Variants in OR13C3 observed in about 807,000 individuals in gnomAD.
The protein encoded by OR13C3 is olfactory receptor family 13 subfamily C member 3.
OR13C3 carries 19 observed loss-of-function variants against 14.4 expected under a neutral mutation model. The observed-to-expected ratio is 1.31, with a 90% CI of 0.92 to 1.93. The LOEUF is 1.93. OR13C3 is among the 30% of genes most tolerant of loss of function. OR13C3 has a pLI of 0.00. For synonymous variants in OR13C3, 140 were observed against 142.5 expected (o/e 0.98, Z 0.12); for missense variants, 394 against 381.4 (o/e 1.03, Z -0.27).
rs1192135408 is a variant in OR13C3 at position 104,536,149 on chromosome 9, A to G, written c.575T>C (p.Ile192Thr). ...CACCATGGTGATAATATTGAGGGAT[A>G]TATCAGCACAGGCCAGCTTGAGGAC... is the stretch of plus-strand genomic sequence containing the variant. Residue 192 changes from isoleucine (I) to threonine (T), a missense_variant, in exon 1 of 1, where the codon ATA (isoleucine) becomes ACA (threonine). Ile to Thr is a moderately conservative substitution (Grantham distance 89). Coordinates refer to ENST00000641090, the Ensembl canonical transcript of OR13C3. 5.0e-6 allele frequency: 8 copies of G among 1,613,884 alleles called. No individual in the cohort carries two copies. Among genetic ancestry groups the G allele is most frequent in the Non-Finnish European group, 5.9e-6 (7 of 1,179,880 alleles).
exon 1 of OR13C3, chr9:104,536,349 G>T (rs758793998): frequency 2.3e-5 from 37 of 1,613,948 alleles, no homozygotes; most frequent in Non-Finnish European, 2.8e-5. Flanking sequence ...GGTTGCAGAT[G>T]GCCACATAAC....
Position 104,536,197 on chromosome 9 carries a change from T to C in OR13C3, c.527A>G (p.His176Arg), listed in dbSNP as rs375686164. The change falls in exon 1 of 1, where the codon CAT (histidine) becomes CGT (arginine). Residue 176 changes from histidine to arginine, a missense_variant. Physicochemically the swap from His to Arg is conservative, Grantham distance 29 (BLOSUM62 0). Transcript: ENST00000641090. ...GACAGCTAATATTTCACATGCGAAATGATTGATAATATTATTCCCACAGAA... is the reference window on the plus strand; with the variant it reads ...GACAGCTAATATTTCACATGCGAAACGATTGATAATATTATTCCCACAGAA... The C allele has an allele frequency of 4.4e-5, 71 of 1,613,940 alleles. No homozygotes were observed. Among genetic ancestry groups the C allele is most frequent in the Non-Finnish European group, 5.7e-5 (67 of 1,179,984 alleles).
exon 1 of OR13C3, chr9:104,536,474 T>A: frequency 1.2e-6 from 2 of 1,614,066 alleles, no homozygotes; most frequent in Non-Finnish European, 1.7e-6. Flanking sequence ...GAGATTAAGC[T>A]CACCAATGTT....
exon 1 of OR13C3, chr9:104,536,675 G>C: frequency 6.2e-7 from 1 of 1,614,028 alleles, no homozygotes; most frequent in South Asian, 1.1e-5. Context: ...TATCCAGAAA[G>C]ACCCAGAAGA....
exon 1 of OR13C3, chr9:104,536,084 T>A: frequency 6.2e-7 from 1 of 1,613,870 alleles, no homozygotes; most frequent in Non-Finnish European, 8.5e-7. Flanking sequence ...GAGAAAAAAA[T>A]GACCATCAGT....
chr9:104,536,411 AC>A lies in OR13C3; in HGVS notation c.312del (p.Phe105LeufsTer13). On this transcript the variant is annotated frameshift_variant, in exon 1 of 1. Coordinates refer to ENST00000641090, the Ensembl canonical transcript of OR13C3. LOFTEE classifies it high-confidence loss of function. ...AGACATTCTGTTGACCCCATTGCAA[AC>A]CCAAAGAACATCTGCACTGCACATC... 6.2e-7 allele frequency: 1 copy of A among 1,614,078 alleles called. No homozygotes were observed.
rs757545846 is a variant in OR13C3, at chr9:104,536,804, G to A, written c.-81C>T. On this transcript the variant is annotated 5_prime_UTR_variant, in exon 1 of 1. An upstream open reading frame in the 5' UTR gains an earlier in-frame stop. Coordinates refer to ENST00000641090, the Ensembl canonical transcript of OR13C3. ...AAGAAACAAACAGTACAAATTAACT[G>A]AACAATCATTCTTTTGACACATATT... The A allele has an allele frequency of 5.6e-6, 9 of 1,607,756 alleles. No individual in the cohort carries two copies. The South Asian group carries it at 1.0e-4, about 18-fold the overall frequency.
exon 1 of OR13C3, chr9:104,535,950 C>T (rs1380697471): frequency 6.2e-7 from 1 of 1,614,082 alleles, no homozygotes. Context: ...GTTTCGCATA[C>T]ATAAAGAAGA....
rs139524248 is a variant in OR13C3 at position 104,536,502 on chromosome 9, T to C, written c.222A>G (p.Thr74=). The change falls in exon 1 of 1, where the codon ACA becomes ACG. Residue 74 remains threonine (T), a synonymous_variant. Coordinates refer to ENST00000641090, the Ensembl canonical transcript of OR13C3. ...CCAATGTTGAGGGAACAGAGGAGGATGTATAGCAGATATCCAGGAAAGAGA... is the reference window on the plus strand; with the variant it reads ...CCAATGTTGAGGGAACAGAGGAGGACGTATAGCAGATATCCAGGAAAGAGA... The C allele has an allele frequency of 6.8e-5, 109 of 1,614,134 alleles. 2 individuals are homozygous for C. The Middle Eastern group carries it at 5.8e-3, about 85-fold the overall frequency.
chr9:104,535,760 C>A, exon 1 of OR13C3: 1 of 1,564,384 alleles, frequency 6.4e-7, no homozygotes, highest in South Asian at 1.1e-5. Flanking sequence ...ACCTACATGT[C>A]CTGGTTTCAT....
rs764206746 is a variant in OR13C3, at chr9:104,536,076, GA to G, written c.647del (p.Phe216SerfsTer13). 9.9e-6 allele frequency: 16 copies of G among 1,613,738 alleles called. No homozygotes were observed. Among genetic ancestry groups the G allele is most frequent in the Non-Finnish European group, 8.5e-7 (1 of 1,179,934 alleles). On this transcript the variant is annotated frameshift_variant, in exon 1 of 1. Coordinates refer to ENST00000641090, the Ensembl canonical transcript of OR13C3. LOFTEE classifies it high-confidence loss of function. ...TGGTGTAGAGGATGAACATATAGGA[GA>G]AAAAAATGACCATCAGTGGAAGAAC...
At chr9:104,536,771 T>C (rs754667081) in exon 1 of OR13C3, 2 of 1,613,678 alleles carry the variant, frequency 1.2e-6, no homozygotes, top group Non-Finnish European at 1.7e-6. Context: ...TGAAATGTAT[T>C]TACTGCCAAG....
At chr9:104,536,106 G>T (rs778293000) in exon 1 of OR13C3, 2 of 1,613,936 alleles carry the variant, frequency 1.2e-6, no homozygotes, top group Non-Finnish European at 1.7e-6. Flanking sequence ...GAAGAACCAG[G>T]AAGGCCATAT....
chr9:104,536,768 T>C lies in OR13C3; in HGVS notation c.-45A>G. 6.2e-7 allele frequency: 1 copy of C among 1,613,700 alleles called. No individual in the cohort carries two copies. The highest frequency in any genetic ancestry group is 1.1e-5 in the South Asian group (1 of 91,030). Reference sequence around the variant, plus strand: ...TCAAAAGAAGATCTAACATGAAATGTATTTACTGCCAAGAAACAAACAGTA... The same window carrying C: ...TCAAAAGAAGATCTAACATGAAATGCATTTACTGCCAAGAAACAAACAGTA... On this transcript the variant is annotated 5_prime_UTR_variant, in exon 1 of 1. In the 5' UTR this introduces an upstream ATG that the reference lacks. Coordinates refer to ENST00000641090, the Ensembl canonical transcript of OR13C3.
chr9:104,535,755 C>G (rs768363081), exon 1 of OR13C3: 3 of 1,535,144 alleles, frequency 2.0e-6, no homozygotes, highest in Non-Finnish European at 2.7e-6. Flanking sequence ...CAAAGACCTA[C>G]ATGTCCTGGT....
exon 1 of OR13C3, chr9:104,536,449 A>G (rs1828818453): frequency 1.2e-6 from 2 of 1,614,200 alleles, no homozygotes; most frequent in Non-Finnish European, 1.7e-6. Flanking sequence ...AGAGAAGGAA[A>G]TGTTTCTTTT....
In OR13C3 at chr9:104,536,760, A is replaced by G; in HGVS notation, c.-37T>C. ...TCAGGAAATCAAAAGAAGATCTAAC[A>G]TGAAATGTATTTACTGCCAAGAAAC... is the stretch of plus-strand genomic sequence containing the variant. On this transcript the variant is annotated 5_prime_UTR_variant, in exon 1 of 1. The change abolishes an upstream ATG in the 5' untranslated region. Transcript: ENST00000641090. 6.2e-7 allele frequency: 1 copy of G among 1,613,810 alleles called. No homozygotes were observed. The highest frequency in any genetic ancestry group is 8.5e-7 in the Non-Finnish European group (1 of 1,179,806).
Position 104,536,618 on chromosome 9 carries a change from G to C in OR13C3, c.106C>G (p.Leu36Val), listed in dbSNP as rs768125509. Residue 36 changes from leucine (L) to valine (V), a missense_variant, in exon 1 of 1, where the codon CTA (leucine) becomes GTA (valine). Coordinates refer to ENST00000641090, the Ensembl canonical transcript of OR13C3. ...ACACCATTGCCAATTAGAATCACTA[G>C]GTACATAACTAGAATGAGAGCAAAG... 1 of 1,613,962 alleles carries C rather than the reference G, an allele frequency of 6.2e-7. No individual in the cohort carries two copies. Among genetic ancestry groups the C allele is most frequent in the East Asian group, 2.2e-5 (1 of 44,860 alleles).
chr9:104,536,361 A>G (rs1169887048), exon 1 of OR13C3: 1 of 1,614,126 alleles, frequency 6.2e-7, no homozygotes, highest in Non-Finnish European at 8.5e-7. Flanking sequence ...CCACATAACG[A>G]TCAAATGCCA....
Sources: gnomAD v4.1 joint callset for allele counts on GRCh38, gnomAD v4.1.1 for gene constraint, MANE v1.5 for transcripts, NCBI Gene and HGNC (gene_info 2026-07-23, HGNC 2026-07-21) for gene names.